CDH16: variants seen among roughly 807,000 people sequenced by gnomAD.
The protein encoded by CDH16 is cadherin-16.
Under a neutral mutation model 87.6 loss-of-function variants are expected in CDH16, and 79 were observed. That is an observed-to-expected ratio of 0.90 (90% confidence interval 0.75 to 1.09). CDH16 has a LOEUF of 1.09. Among genes scored for constraint, CDH16 ranks in the 50% least tolerant of loss-of-function variants. CDH16 has a pLI of 0.00. For synonymous variants in CDH16, 457 were observed against 439.5 expected (o/e 1.04, Z -0.50); for missense variants, 1,124 against 1,071.7 (o/e 1.05, Z -0.68).
At chr16:66,915,083 T>C in intron 6 of CDH16, 137 bp downstream of exon 6, 2 of 798,878 alleles carry the variant, frequency 2.5e-6, no homozygotes, top group Non-Finnish European at 2.0e-6. Context: ...CCCTGCCTTG[T>C]TGCTGTCTCC....
chr16:66,913,141 G>C lies in CDH16; in HGVS notation c.1044C>G (p.Leu348=), dbSNP rs747143155. Residue 348 remains leucine, a synonymous_variant, in exon 9 of 18, where the codon CTC becomes CTG. Coordinates refer to ENST00000299752, the MANE Select transcript of CDH16 (RefSeq NM_004062.4). ...PRDPTVSIPE[L]SPPGTEVTRL... Reference sequence around the variant, plus strand: ...CATCCTGTAGCTCACCTGGTGGACTGAGCTCAGGGATGCTGACTGTGGGGT... The same window carrying C: ...CATCCTGTAGCTCACCTGGTGGACTCAGCTCAGGGATGCTGACTGTGGGGT... 1 of 1,608,584 alleles carries C rather than the reference G, an allele frequency of 6.2e-7. No homozygotes were observed. Among genetic ancestry groups the C allele is most frequent in the Admixed American group, 1.7e-5 (1 of 59,028 alleles).
At chr16:66,912,989 C>T (rs1167984558) in intron 9 of CDH16, 98 bp from the exon 10 acceptor site, 1 of 1,340,968 alleles carries the variant, frequency 7.5e-7, no homozygotes. Context: ...TGAATTTGAG[C>T]TCGTGTGTGT....
Position 66,908,308 on chromosome 16 carries a change from G to C in CDH16, c.*84C>G. 8.9e-7 allele frequency: 1 copy of C among 1,124,116 alleles called. No homozygotes were observed. The highest frequency in any genetic ancestry group is 1.2e-5 in the South Asian group (1 of 80,398). The allele number at this position is 1,124,116 out of a possible 1,614,324, so 69.6% of individuals were successfully genotyped here. A position where few individuals can be genotyped will look rare whatever the true frequency, so the allele number is the denominator to read the frequency against. On this transcript the variant is annotated 3_prime_UTR_variant, in exon 18 of 18. Transcript: ENST00000299752. ...GGGCTTCTACTCTGTCCTGTCCCCT[G>C]CTGGATCTTGGGTGCTGGGCTCTCT...
intron 1 of CDH16, among the ~76,000 whole-genome samples, chr16:66,918,361 C>T (rs1013733388): frequency 4.9e-4 from 74 of 152,342 alleles, no homozygotes; most frequent in African/African-American, 1.5e-3. Flanking sequence ...CTCCCCAGGC[C>T]GCAGATCCCA....
chr16:66,909,942 C>A lies in CDH16; in HGVS notation c.2275+44G>T, dbSNP rs539672037. ...CCAGCTCCCTCCCCTTGCATCCCAG[C>A]GGTTCCCTCAGGAACTGCAGGCTGC... On this transcript the variant is annotated intron_variant, in intron 16 of 17. Coordinates refer to ENST00000299752, the MANE Select transcript of CDH16 (RefSeq NM_004062.4). This position sits in a 1 kb window ranked among gnomAD's most constrained non-coding sequence, Gnocchi z 4.1. 2.1e-6 allele frequency: 3 copies of A among 1,412,298 alleles called. No individual in the cohort carries two copies. Among genetic ancestry groups the A allele is most frequent in the South Asian group, 1.3e-5 (1 of 78,756 alleles). The allele number at this position is 1,412,298 out of a possible 1,614,324, so 87.5% of individuals were successfully genotyped here.
intron 7 of CDH16, among the ~76,000 whole-genome samples, 178 bp downstream of exon 7, chr16:66,914,038 C>A (rs1214025811): frequency 6.6e-6 from 1 of 152,208 alleles, no homozygotes; most frequent in Non-Finnish European, 1.5e-5. Context: ...AGGCGAGGGG[C>A]TGTGGGCCTG....
intron 7 of CDH16, among the ~76,000 whole-genome samples, chr16:66,914,006 G>T (rs1002223477): frequency 6.6e-6 from 1 of 152,230 alleles, no homozygotes; most frequent in Admixed American, 6.5e-5. Context: ...ACAGAGTCAC[G>T]CCTGCTAGAG....
In CDH16 at chr16:66,912,280, C is replaced by T. The variant is rs758006453; in HGVS notation, c.1510G>A (p.Glu504Lys). Residue 504 changes from glutamate (E) to lysine (K), a missense_variant, in exon 12 of 18, where the codon GAG (glutamate) becomes AAG (lysine). By Grantham distance (56) the Glu-to-Lys change is moderately conservative. Coordinates refer to ENST00000299752, the MANE Select transcript of CDH16 (RefSeq NM_004062.4). ...DTEGTFGLDW[E>K]PDSGHVRLRL... ...AGTCTAACATGCCCAGAGTCTGGCT[C>T]CCAATCCAGGCCAAAAGTCCCTTCT... The T allele has an allele frequency of 3.2e-5, 52 of 1,613,536 alleles. No individual in the cohort carries two copies. Among genetic ancestry groups the T allele is most frequent in the East Asian group, 6.7e-5 (3 of 44,886 alleles).
rs758144178 is a variant in CDH16, at chr16:66,916,226, G to T, written c.286-23C>A. On this transcript the variant is annotated intron_variant, in intron 4 of 17. Coordinates refer to ENST00000299752, the MANE Select transcript of CDH16 (RefSeq NM_004062.4). The surrounding 1 kb of genome is among the most constrained non-coding windows in gnomAD (Gnocchi z 4.1). ...GACCTGGCAGGGAAGGGGAGTCAGCGTCTGGCTCTGCCTTGCCTGCTCTCC... is the reference window on the plus strand; with the variant it reads ...GACCTGGCAGGGAAGGGGAGTCAGCTTCTGGCTCTGCCTTGCCTGCTCTCC... 1 of 1,614,230 alleles carries T rather than the reference G, an allele frequency of 6.2e-7. No individual in the cohort carries two copies. The highest frequency in any genetic ancestry group is 8.5e-7 in the Non-Finnish European group (1 of 1,180,040).
At position 66,918,058 on chromosome 16, in the gene CDH16, G is replaced by A. The variant is rs754264889; in HGVS notation, c.8C>T (p.Pro3Leu). 3 of 1,584,908 alleles carry A rather than the reference G, an allele frequency of 1.9e-6. No homozygotes were observed. The highest frequency in any genetic ancestry group is 2.6e-6 in the Non-Finnish European group (3 of 1,165,340). Reference protein sequence around the residue: MVPAWLWLLCVSV... With the variant: MVLAWLWLLCVSV... Reference sequence around the variant, plus strand: ...GACACAAAGCAGCCACAGCCAGGCAGGGACCATGGTCAGGACAGGCCTGAG... The same window carrying A: ...GACACAAAGCAGCCACAGCCAGGCAAGGACCATGGTCAGGACAGGCCTGAG... The change falls in exon 2 of 18, where the codon CCT becomes CTT. Residue 3 changes from proline (P) to leucine (L), a missense_variant. Coordinates refer to ENST00000299752, the MANE Select transcript of CDH16 (RefSeq NM_004062.4).
At chr16:66,914,171 C>A (rs750289654) in intron 7 of CDH16, 45 bp downstream of exon 7, 2 of 1,529,220 alleles carry the variant, frequency 1.3e-6, no homozygotes, top group African/African-American at 1.4e-5. Context: ...GGCCTGGCTG[C>A]ACCATCCATG....
In CDH16 at chr16:66,911,180, A is replaced by G. The variant is rs368319887; in HGVS notation, c.1924+2T>C. ...GGGGCTCCCATCACTGCCTGGCCATACCTGTATCCTGGGCCTCCACAAGCA... is the reference window on the plus strand; with the variant it reads ...GGGGCTCCCATCACTGCCTGGCCATGCCTGTATCCTGGGCCTCCACAAGCA... On this transcript the variant is annotated splice_donor_variant, in intron 14 of 17. Transcript: ENST00000299752. LOFTEE classifies it high-confidence loss of function. 26 of 1,610,586 alleles carry G rather than the reference A, an allele frequency of 1.6e-5. No homozygotes were observed. Among genetic ancestry groups the G allele is most frequent in the Non-Finnish European group, 2.0e-5 (24 of 1,178,412 alleles).
chr16:66,911,773 G>A, intron 13 of CDH16, 126 bp downstream of exon 13: 1 of 1,195,954 alleles, frequency 8.4e-7, no homozygotes, highest in Non-Finnish European at 1.2e-6. Context: ...TCACAACCTT[G>A]GCATTTGCCA....
intron 11 of CDH16, 25 bp from the exon 12 acceptor site, chr16:66,912,455 G>C: frequency 6.2e-7 from 1 of 1,613,940 alleles, no homozygotes; most frequent in Non-Finnish European, 8.5e-7. Context: ...GGGATGGTGA[G>C]CCCCCCACCA....
chr16:66,908,438 T>C lies in CDH16; in HGVS notation c.2444A>G (p.Asp815Gly). ...CACGCTGTCTGCTGGTTGATCCGGG[T>C]CCTTCTTCCTTGACATGGTCCAGTG... ...FTHWTMSRKK[D>G]PDQPADSVPL... Residue 815 changes from aspartate to glycine, a missense_variant, in exon 18 of 18, where the codon GAC becomes GGC. Physicochemically the swap from Asp to Gly is moderately conservative, Grantham distance 94. Coordinates refer to ENST00000299752, the MANE Select transcript of CDH16 (RefSeq NM_004062.4). 1.2e-6 allele frequency: 2 copies of C among 1,614,084 alleles called. No individual in the cohort carries two copies. Among genetic ancestry groups the C allele is most frequent in the Non-Finnish European group, 1.7e-6 (2 of 1,180,000 alleles).
intron 6 of CDH16, among the ~76,000 whole-genome samples, chr16:66,914,618 A>G (rs935880526): frequency 6.6e-6 from 1 of 152,222 alleles, no homozygotes; most frequent in Non-Finnish European, 1.5e-5. Flanking sequence ...ATATCTCTCC[A>G]CACAACGAAT....
chr16:66,914,524 A>G, intron 6 of CDH16, 112 bp from the exon 7 acceptor site: 2 of 743,114 alleles, frequency 2.7e-6, no homozygotes, highest in South Asian at 3.6e-5. Context: ...TGATTGGGAC[A>G]CTCTCTTGGC....
chr16:66,910,287 G>T lies in CDH16; in HGVS notation c.2140C>A (p.Arg714=), dbSNP rs746385233. 1 of 1,609,758 alleles carries T rather than the reference G, an allele frequency of 6.2e-7. No homozygotes were observed. The highest frequency in any genetic ancestry group is 8.5e-7 in the Non-Finnish European group (1 of 1,177,722). ...TTGAGAGTCTGGAGGCGCCAATCCC[G>T]TTGCACCGTGGGGTTGGGACCAAGG... ...FTLGPNPTVQ[R]DWRLQTLNGS... The change falls in exon 15 of 18, where the codon CGG becomes AGG. Residue 714 remains arginine (R), a synonymous_variant. Coordinates refer to ENST00000299752, the MANE Select transcript of CDH16 (RefSeq NM_004062.4).
chr16:66,911,522 G>A (rs1416536688), intron 13 of CDH16, among the ~76,000 whole-genome samples: 1 of 152,200 alleles, frequency 6.6e-6, no homozygotes, highest in African/African-American at 2.4e-5. Context: ...AACAGATCAT[G>A]TGGGTAAGGG....
Sources: gnomAD v4.1 joint callset for allele counts (sites outside exome capture counted in the v4.1 genomes callset) on GRCh38, gnomAD v4.1.1 for gene constraint, Gnocchi (gnomAD v3.1) non-coding constraint, MANE v1.5 for transcripts, NCBI Gene and HGNC (gene_info 2026-07-23, HGNC 2026-07-21) for gene names.